RNF24: variants seen among roughly 807,000 people sequenced by gnomAD.
The protein encoded by RNF24 is ring finger protein 24.
In RNF24, 14 loss-of-function variants were observed where a neutral mutation model predicts 20.0. The observed-to-expected ratio is 0.70, with a 90% CI of 0.46 to 1.10. The LOEUF (loss-of-function observed/expected upper bound fraction) is 1.10, where lower values mean the gene tolerates loss of function less well. Ranked by LOEUF, RNF24 falls within the 50% of genes least tolerant of loss-of-function variation. RNF24 has a pLI of 0.00. For synonymous variants in RNF24, 45 were observed against 61.1 expected (o/e 0.74, Z 1.23); for missense variants, 124 against 177.6 (o/e 0.70, Z 1.71).
rs1407572202 is a variant in RNF24, at chr20:3,931,525, G to A, written c.*2538C>T. 2 of 152,244 alleles carry A rather than the reference G, an allele frequency of 1.3e-5. No homozygotes were observed. Among genetic ancestry groups the A allele is most frequent in the African/African-American group, 2.4e-5 (1 of 41,452 alleles). The allele number at this position is 152,244 out of a possible 1,614,324, so 9.4% of individuals were successfully genotyped here. ...GCAGATGCGCAGGCCCATCCTGGTG[G>A]AGGACCCAGATGCAGGGAGCAAATA... On this transcript the variant is annotated 3_prime_UTR_variant, in exon 6 of 6. Coordinates refer to ENST00000358395, the MANE Select transcript of RNF24 (RefSeq NM_001134337.3).
chr20:3,955,254 C>G (rs997414387), intron 2 of RNF24, among the ~76,000 whole-genome samples: 2 of 152,146 alleles, frequency 1.3e-5, no homozygotes, highest in Non-Finnish European at 2.9e-5. Flanking sequence ...GGGTATTAAA[C>G]CCTTATCAGA....
At chr20:3,959,001 A>G (rs1303388436) in intron 2 of RNF24, among the ~76,000 whole-genome samples, 1 of 152,138 alleles carries the variant, frequency 6.6e-6, no homozygotes, top group African/African-American at 2.4e-5. Flanking sequence ...CTCCTCTTAA[A>G]TATCAATGTT....
At chr20:3,936,334 A>T (rs241609) in intron 4 of RNF24, among the ~76,000 whole-genome samples, 48,307 of 152,022 alleles carry the variant, frequency 0.32, 8,330 homozygotes, top group African/African-American at 0.46. Flanking sequence ...TGCCCTCAGG[A>T]TTCCTCACAG....
chr20:3,958,250 T>C (rs1345039042), intron 2 of RNF24, among the ~76,000 whole-genome samples: 6 of 152,204 alleles, frequency 3.9e-5, no homozygotes, highest in Admixed American at 2.0e-4. Flanking sequence ...TTCTTTCTTA[T>C]AAATCTTCCA....
chr20:4,013,692 C>G (rs912772852), intron 1 of RNF24, among the ~76,000 whole-genome samples: 9 of 152,180 alleles, frequency 5.9e-5, no homozygotes, highest in South Asian at 2.1e-4. Flanking sequence ...ACCATGTTGG[C>G]CAGGCTGGTC....
chr20:3,970,406 A>G (rs992069380), intron 1 of RNF24, among the ~76,000 whole-genome samples: 2 of 152,234 alleles, frequency 1.3e-5, no homozygotes, highest in Non-Finnish European at 2.9e-5. Flanking sequence ...GTCTCATAAC[A>G]TAATACACAA....
intron 1 of RNF24, among the ~76,000 whole-genome samples, chr20:4,001,962 A>C (rs1981431772): frequency 6.6e-6 from 1 of 151,744 alleles, no homozygotes; most frequent in Non-Finnish European, 1.5e-5. Flanking sequence ...AACAAACAAA[A>C]AAAAACAGGG....
intron 4 of RNF24, 96 bp from the exon 5 acceptor site, chr20:3,935,169 G>C: frequency 1.1e-6 from 1 of 898,040 alleles, no homozygotes; most frequent in South Asian, 1.5e-5. Flanking sequence ...ACCGTTTGAA[G>C]GGACTCATGA....
intron 1 of RNF24, among the ~76,000 whole-genome samples, chr20:4,014,993 G>A (rs1982777119): frequency 6.6e-6 from 1 of 152,198 alleles, no homozygotes; most frequent in Non-Finnish European, 1.5e-5. Flanking sequence ...ACACTGCCAC[G>A]CCGCACCCCC....
intron 1 of RNF24, among the ~76,000 whole-genome samples, chr20:4,011,512 G>C (rs748949327): frequency 6.6e-6 from 1 of 152,206 alleles, no homozygotes; most frequent in Non-Finnish European, 1.5e-5. Flanking sequence ...TTCCAGACTG[G>C]AGTAGGAGAG....
At chr20:3,977,376 C>A (rs758741622) in intron 1 of RNF24, among the ~76,000 whole-genome samples, 5 of 151,808 alleles carry the variant, frequency 3.3e-5, no homozygotes, top group Non-Finnish European at 7.4e-5. Context: ...TAGGGAGCCA[C>A]AAACAGTATG....
At position 3,928,747 on chromosome 20, in the gene RNF24, C is replaced by CAAAAAAAA. The variant is rs528166005; in HGVS notation, c.*5308_*5315dup. The CAAAAAAAA allele has an allele frequency of 4.6e-4, 26 of 56,858 alleles. No homozygotes were observed. Among genetic ancestry groups the CAAAAAAAA allele is most frequent in the South Asian group, 1.4e-3 (2 of 1,386 alleles). The allele number at this position is 56,858 out of a possible 1,614,324, so 3.5% of individuals were successfully genotyped here. A position where few individuals can be genotyped will look rare whatever the true frequency, so the allele number is the denominator to read the frequency against. ...TGGGTGACAGAGCGAGACTCCGTCT[C>CAAAAAAAA]AAAAAAAAAAAAAAAAAAAAAAAAA... On this transcript the variant is annotated 3_prime_UTR_variant, in exon 6 of 6. Transcript: ENST00000358395.
At chr20:3,948,668 C>T (rs527241068) in intron 2 of RNF24, among the ~76,000 whole-genome samples, 1 of 152,136 alleles carries the variant, frequency 6.6e-6, no homozygotes, top group Non-Finnish European at 1.5e-5. Flanking sequence ...CATATCAAGA[C>T]ATGGTACATT....
At chr20:3,995,227 T>C (rs1417232586) in intron 1 of RNF24, among the ~76,000 whole-genome samples, 2 of 152,090 alleles carry the variant, frequency 1.3e-5, no homozygotes, top group African/African-American at 2.4e-5. Flanking sequence ...ATATAGTGAG[T>C]GCTCATCATT....
intron 1 of RNF24, among the ~76,000 whole-genome samples, chr20:4,014,321 A>G (rs1415901550): frequency 6.6e-6 from 1 of 152,218 alleles, no homozygotes; most frequent in Non-Finnish European, 1.5e-5. Flanking sequence ...TAACACAGGG[A>G]GGCAGAAAGA....
At chr20:3,974,055 C>T (rs1211399797) in intron 1 of RNF24, among the ~76,000 whole-genome samples, 1 of 146,130 alleles carries the variant, frequency 6.8e-6, no homozygotes, top group Non-Finnish European at 1.5e-5. Context: ...GCGGGGCTGG[C>T]TTAATATTAA....
intron 1 of RNF24, among the ~76,000 whole-genome samples, chr20:3,972,994 G>T (rs751537556): frequency 3.3e-5 from 5 of 151,924 alleles, no homozygotes; most frequent in Non-Finnish European, 7.4e-5. Flanking sequence ...CATGAGGTTA[G>T]GAGTTTGAGA....
intron 1 of RNF24, among the ~76,000 whole-genome samples, chr20:4,008,542 TTA>T (rs372491087): frequency 0.11 from 12,684 of 116,720 alleles, 996 homozygotes; most frequent in Non-Finnish European, 0.16. Context: ...TTTATATATA[TTA>T]TATATATATA....
intron 1 of RNF24, among the ~76,000 whole-genome samples, chr20:4,002,864 G>A (rs1180791626): frequency 6.6e-6 from 1 of 152,084 alleles, no homozygotes; most frequent in Non-Finnish European, 1.5e-5. Flanking sequence ...ATATAATTCT[G>A]GTGTTCTAAA....
Sources: allele counts gnomAD v4.1 joint callset (sites outside exome capture counted in the v4.1 genomes callset), GRCh38; gene constraint gnomAD v4.1.1; transcripts MANE v1.5; gene names NCBI Gene and HGNC (gene_info 2026-07-23, HGNC 2026-07-21).